The following USP6 variants were observed in gnomAD, a reference collection of about 807,000 sequenced individuals.
USP6 encodes the protein ubiquitin carboxyl-terminal hydrolase 6.
A neutral mutation model predicts 175.7 loss-of-function variants in USP6; 128 were observed. The observed-to-expected ratio is 0.73, with a 90% CI of 0.63 to 0.84. USP6 has a LOEUF of 0.84. Ranked by LOEUF, USP6 falls within the 40% of genes least tolerant of loss-of-function variation. USP6 has a pLI of 0.00. For synonymous variants in USP6, 562 were observed against 630.6 expected, an observed-to-expected ratio of 0.89 and a Z score of 1.63; for missense variants, 1,498 against 1,760.3, an observed-to-expected ratio of 0.85 and a Z score of 2.67.
intron 31 of USP6, among the ~76,000 whole-genome samples, chr17:5,156,371 G>A (rs764838066): frequency 1.3e-5 from 2 of 151,310 alleles, no homozygotes; most frequent in Non-Finnish European, 1.5e-5. Context: ...GCAATGGCAC[G>A]ATCCTGGCTC....
rs767616918 is a variant in USP6, at chr17:5,133,943, C to T, written c.441C>T (p.Asp147=). 44 of 1,614,144 alleles carry T rather than the reference C, an allele frequency of 2.7e-5. No homozygotes were observed. In the South Asian group the frequency reaches 3.4e-4, roughly 12 times the overall value. The change falls in exon 15 of 38, where the codon GAC becomes GAT. Residue 147 remains aspartate, a synonymous_variant. Coordinates refer to ENST00000574788, the MANE Select transcript of USP6 (RefSeq NM_001304284.2). ...SSEHIHHIDL[D]VRTTLRNHVF... is the part of the protein sequence containing the mutation. ...AACACATCCACCACATCGACCTGGACGTGAGGACGACTCTCCGGAACCATG... is the reference window on the plus strand; with the variant it reads ...AACACATCCACCACATCGACCTGGATGTGAGGACGACTCTCCGGAACCATG...
chr17:5,171,057 T>G, intron 36 of USP6, 142 bp downstream of exon 36: 1 of 1,118,602 alleles, frequency 8.9e-7, no homozygotes. Context: ...CATTGAAATC[T>G]GGGCTCACAG....
intron 25 of USP6, among the ~76,000 whole-genome samples, chr17:5,143,891 A>T (rs2073531181): frequency 6.6e-6 from 1 of 152,100 alleles, no homozygotes; most frequent in African/African-American, 2.4e-5. Context: ...GCACCACTGC[A>T]CTCCAGCCTG....
intron 11 of USP6, 100 bp downstream of exon 11, chr17:5,130,784 G>A (rs2073042544): frequency 8.4e-6 from 12 of 1,429,058 alleles, no homozygotes; most frequent in South Asian, 3.5e-5. Context: ...GACATGTCTC[G>A]CTAGGTCGGG....
rs530344956 is a variant in USP6, at chr17:5,116,109, C to G, written c.-2559C>G. 6.6e-6 allele frequency among the ~76,000 whole-genome samples: 1 copy of G among 152,216 alleles called. No homozygotes were observed. Among genetic ancestry groups the G allele is most frequent in the Non-Finnish European group, 1.5e-5 (1 of 68,030 alleles). ...GCGTGGCCGCTGTGGGAGCTCGTCT[C>G]CAGGCGCCCATCAGTCTTCCCCTCA... is the stretch of plus-strand genomic sequence containing the variant. On this transcript the variant is annotated 5_prime_UTR_variant, in exon 1 of 38. Coordinates refer to ENST00000574788, the MANE Select transcript of USP6 (RefSeq NM_001304284.2).
At position 5,162,859 on chromosome 17, in the gene USP6, C is replaced by T. The variant is rs1164369272; in HGVS notation, c.2916-25C>T. The T allele has an allele frequency of 5.0e-6, 8 of 1,586,240 alleles. No individual in the cohort carries two copies. In the East Asian group the frequency reaches 1.8e-4, roughly 36 times the overall value. On this transcript the variant is annotated intron_variant, in intron 32 of 37. Transcript: ENST00000574788. ...AATTCCTTCATAATTATTTCTTCCT[C>T]TGTGGATCTTTCCCCCCTTTTTAGA... is the stretch of plus-strand genomic sequence containing the variant.
intron 33 of USP6, among the ~76,000 whole-genome samples, chr17:5,164,561 G>A (rs907550897): frequency 5.3e-5 from 8 of 152,234 alleles, no homozygotes; most frequent in Non-Finnish European, 1.0e-4. Flanking sequence ...CAAATCCAGT[G>A]TGCAATCGGA....
rs979856359 is a variant in USP6 at position 5,132,162 on chromosome 17, G to C, written c.156-234G>C. 1.4e-6 allele frequency: 2 copies of C among 1,460,060 alleles called. No individual in the cohort carries two copies. The highest frequency in any genetic ancestry group is 2.8e-5 in the African/African-American group (2 of 70,976). 90.4% of individuals were successfully genotyped at this position (1,460,060 alleles called of 1,614,324 possible). A position where few individuals can be genotyped will look rare whatever the true frequency, so the allele number is the denominator to read the frequency against. ...TGTGGCCTGACCACCCCCCATGCCA[G>C]GGGCCCCAGTAACCCCAGCCAGGCT... On this transcript the variant is annotated intron_variant, in intron 11 of 37. Coordinates refer to ENST00000574788, the MANE Select transcript of USP6 (RefSeq NM_001304284.2). The surrounding 1 kb of genome is among the most constrained non-coding windows in gnomAD (Gnocchi z 4.7).
chr17:5,157,436 C>A (rs115542651), intron 31 of USP6, among the ~76,000 whole-genome samples: 1 of 152,000 alleles, frequency 6.6e-6, no homozygotes, highest in African/African-American at 2.4e-5. Context: ...TTAAATAAAT[C>A]GTAAAGGAAA....
intron 3 of USP6, 124 bp downstream of exon 3, chr17:5,120,912 C>G (rs2072641557): frequency 1.3e-5 from 6 of 454,420 alleles, no homozygotes; most frequent in South Asian, 9.3e-5. Flanking sequence ...ACCAGTTGGA[C>G]CAGCCCCTCA....
chr17:5,144,963 C>G (rs1036735923), intron 26 of USP6, 100 bp downstream of exon 26: 4 of 1,420,074 alleles, frequency 2.8e-6, no homozygotes, highest in Non-Finnish European at 3.7e-6. Flanking sequence ...ATTCTGAGAT[C>G]AGAATTTTAC....
At chr17:5,137,608 A>C (rs1374187841) in intron 19 of USP6, 43 bp from the exon 20 acceptor site, 3 of 1,584,120 alleles carry the variant, frequency 1.9e-6, no homozygotes, top group African/African-American at 1.3e-5. Context: ...CACCAGCCCC[A>C]GCCTGGAAGG....
chr17:5,136,730 A>T lies in USP6; in HGVS notation c.755A>T (p.His252Leu). ...VPKSQPKTMW[H>L]QDKEGLCGQC... is the part of the protein sequence containing the mutation. ...AAGTCACAACCCAAGACCATGTGGC[A>T]TCAGGTGAGTTTATGGTCCCCTCGG... is the stretch of plus-strand genomic sequence containing the variant. The change falls in exon 18 of 38, where the codon CAT becomes CTT. Residue 252 changes from histidine (H) to leucine (L), a missense_variant. Transcript: ENST00000574788. 6.2e-7 allele frequency: 1 copy of T among 1,612,332 alleles called. No individual in the cohort carries two copies. Among genetic ancestry groups the T allele is most frequent in the Non-Finnish European group, 8.5e-7 (1 of 1,179,734 alleles).
chr17:5,142,645 C>A, intron 25 of USP6, 143 bp downstream of exon 25: 1 of 1,339,808 alleles, frequency 7.5e-7, no homozygotes, highest in African/African-American at 1.5e-5. Flanking sequence ...AGGCCAAATT[C>A]TTTTGCTTGT....
chr17:5,170,059 G>A (rs1298174397), intron 35 of USP6, among the ~76,000 whole-genome samples: 2 of 152,158 alleles, frequency 1.3e-5, no homozygotes, highest in Admixed American at 6.5e-5. Context: ...AGGTAACAAC[G>A]GACAGCAGGA....
At position 5,162,892 on chromosome 17, in the gene USP6, G is replaced by C; in HGVS notation, c.2924G>C (p.Arg975Thr). The C allele has an allele frequency of 6.3e-7, 1 of 1,597,268 alleles. No homozygotes were observed. Among genetic ancestry groups the C allele is most frequent in the East Asian group, 2.3e-5 (1 of 44,196 alleles). ...CTTTCCCCCCTTTTTAGATTTTGCA[G>C]AGGCTGTAAAATTGATTGTGGGGAA... ...CAWCPQYRFC[R>T]GCKIDCGEDR... is the part of the protein sequence containing the mutation. Residue 975 changes from arginine (R) to threonine (T), a missense_variant, in exon 33 of 38, where the codon AGA (arginine) becomes ACA (threonine). Arg to Thr is a moderately conservative substitution (Grantham distance 71). This residue lies in a region of USP6 where 1,217 missense variants were observed against 1,500.8 expected (regional missense o/e 0.81). Coordinates refer to ENST00000574788, the MANE Select transcript of USP6 (RefSeq NM_001304284.2).
At chr17:5,134,993 GAAAAA>G in intron 15 of USP6, 1 of 418,694 alleles carries the variant, frequency 2.4e-6, no homozygotes, top group Non-Finnish European at 4.5e-6. Context: ...GTGTGCAAAA[GAAAAA>G]AAAAATCATT....
intron 33 of USP6, among the ~76,000 whole-genome samples, chr17:5,166,449 A>T (rs1031860877): frequency 3.3e-5 from 5 of 152,114 alleles, no homozygotes; most frequent in African/African-American, 1.2e-4. Flanking sequence ...AGCTGTGCCA[A>T]TTTGTATTCC....
intron 2 of USP6, among the ~76,000 whole-genome samples, chr17:5,118,496 T>C (rs1488601177): frequency 6.6e-6 from 1 of 151,946 alleles, no homozygotes; most frequent in Non-Finnish European, 1.5e-5. Context: ...CCAGAGGGAG[T>C]GTTACAGTGC....
Sources: gnomAD v4.1 joint callset for allele counts (sites outside exome capture counted in the v4.1 genomes callset) on GRCh38, gnomAD v4.1.1 for gene constraint, gnomAD v4.1.1 regional missense constraint, Gnocchi (gnomAD v3.1) non-coding constraint, MANE v1.5 for transcripts, NCBI Gene and HGNC (gene_info 2026-07-23, HGNC 2026-07-21) for gene names.